AGMO: variants seen among roughly 807,000 people sequenced by gnomAD.
AGMO encodes the protein alkylglycerol monooxygenase.
Under a neutral mutation model 60.2 loss-of-function variants are expected in AGMO, and 75 were observed. The observed-to-expected ratio is 1.25, with a 90% CI of 1.03 to 1.51. The LOEUF (loss-of-function observed/expected upper bound fraction) is 1.51. Among genes scored for constraint, AGMO ranks in the 40% most tolerant of loss-of-function variants. The pLI, the probability that AGMO is intolerant of heterozygous loss-of-function variation, is 0.00. For synonymous variants in AGMO, 261 were observed against 177.1 expected (o/e 1.47, Z -3.76); for missense variants, 763 against 525.5 (o/e 1.45, Z -4.42).
chr7:15,431,288 T>C (rs1394608145), intron 3 of AGMO, among the ~76,000 whole-genome samples, 180 bp from the exon 4 acceptor site: 4 of 151,880 alleles, frequency 2.6e-5, no homozygotes, highest in Non-Finnish European at 4.4e-5. Flanking sequence ...CCAAAGACTG[T>C]ATACATTGTA....
chr7:15,257,329 T>G (rs890780419), intron 12 of AGMO, among the ~76,000 whole-genome samples: 3 of 152,166 alleles, frequency 2.0e-5, no homozygotes, highest in African/African-American at 7.2e-5. Flanking sequence ...ATACCTACTA[T>G]GGACATATTA....
intron 12 of AGMO, among the ~76,000 whole-genome samples, chr7:15,363,645 T>TA (rs942669651): frequency 2.0e-5 from 3 of 152,184 alleles, no homozygotes; most frequent in Non-Finnish European, 4.4e-5. Context: ...ATCTTATCAC[T>TA]AGCGTTCATC....
intron 12 of AGMO, among the ~76,000 whole-genome samples, chr7:15,290,802 T>C (rs1197368639): frequency 6.6e-6 from 1 of 152,208 alleles, no homozygotes; most frequent in African/African-American, 2.4e-5. Flanking sequence ...TAAAACAATC[T>C]GAATGATAGT....
chr7:15,183,717 C>T, the AGMO span, among the ~76,000 whole-genome samples: 13 of 152,306 alleles, frequency 8.5e-5, no homozygotes, highest in African/African-American at 2.6e-4. Context: ...TGAGTTAAGA[C>T]ACATGATGAA....
At chr7:15,222,592 T>G (rs2128497312) in intron 12 of AGMO, among the ~76,000 whole-genome samples, 1 of 152,224 alleles carries the variant, frequency 6.6e-6, no homozygotes, top group East Asian at 1.9e-4. Context: ...AAGAAACTGT[T>G]ATGTCTATTA....
intron 12 of AGMO, among the ~76,000 whole-genome samples, chr7:15,328,084 G>A (rs1191766397): frequency 6.6e-6 from 1 of 151,274 alleles, no homozygotes; most frequent in Non-Finnish European, 1.5e-5. Flanking sequence ...TCAATACACT[G>A]AGTCCTTCCT....
chr7:15,163,496 C>T, the AGMO span, among the ~76,000 whole-genome samples: 6,565 of 152,072 alleles, frequency 0.043, 187 homozygotes, highest in African/African-American at 0.058. Context: ...GTGTATTCTT[C>T]TATACCTAGT....
intron 12 of AGMO, among the ~76,000 whole-genome samples, chr7:15,351,034 G>A (rs1333520070): frequency 3.9e-5 from 6 of 152,110 alleles, no homozygotes; most frequent in African/African-American, 1.4e-4. Flanking sequence ...TGAGATAGTA[G>A]GCATTCTAAG....
intron 12 of AGMO, among the ~76,000 whole-genome samples, chr7:15,213,255 A>G (rs1458253131): frequency 6.6e-6 from 1 of 151,916 alleles, no homozygotes; most frequent in African/African-American, 2.4e-5. Flanking sequence ...TTGATATCCT[A>G]GAAAAAACAT....
At chr7:15,126,665 A>G in the AGMO span, among the ~76,000 whole-genome samples, 2 of 151,988 alleles carry the variant, frequency 1.3e-5, no homozygotes. Context: ...TTTCAATCTG[A>G]CTCTGGCATA....
chr7:15,561,282 A>T (rs187674454), intron 1 of AGMO, among the ~76,000 whole-genome samples: 5 of 152,328 alleles, frequency 3.3e-5, no homozygotes, highest in African/African-American at 9.6e-5. Context: ...GGACCTGGTC[A>T]AGCTGCATAT....
intron 4 of AGMO, among the ~76,000 whole-genome samples, chr7:15,420,633 C>G (rs1780898519): frequency 6.6e-6 from 1 of 152,122 alleles, no homozygotes; most frequent in Non-Finnish European, 1.5e-5. Context: ...TCTCACTTTT[C>G]TTCTCTACCT....
chr7:15,176,539 G>A, the AGMO span, among the ~76,000 whole-genome samples: 3 of 151,906 alleles, frequency 2.0e-5, no homozygotes, highest in East Asian at 3.9e-4. Flanking sequence ...CTGCTTTATT[G>A]AGGTTATTTG....
intron 3 of AGMO, among the ~76,000 whole-genome samples, chr7:15,484,498 A>C (rs996762050): frequency 6.6e-6 from 1 of 152,234 alleles, no homozygotes; most frequent in African/African-American, 2.4e-5. Flanking sequence ...TGGTGTGTTC[A>C]CATTGTAAAA....
At chr7:15,531,633 C>CTATATATATTCTATATATATATTT (rs1784366543) in intron 3 of AGMO, among the ~76,000 whole-genome samples, 1 of 117,650 alleles carries the variant, frequency 8.5e-6, no homozygotes, top group African/African-American at 3.2e-5. Context: ...TATATATATT[C>CTATATATATTCTATATATATATTT]TATATATATA....
chr7:15,167,871 C>A, the AGMO span, among the ~76,000 whole-genome samples: 1 of 152,078 alleles, frequency 6.6e-6, no homozygotes, highest in South Asian at 2.1e-4. Context: ...ACTTCTAAAC[C>A]TTAATAAATA....
chr7:15,354,463 TGTGTGTATACACAC>T lies in AGMO; in HGVS notation c.1263+11037_1263+11050del, dbSNP rs1479560933. Reference sequence around the variant, plus strand: ...ATACACACGTGTGTGTATACACACGTGTGTGTATACACACGTGTGTATATACACACGTGTATATA... The same window carrying T: ...ATACACACGTGTGTGTATACACACGTGTGTGTATATACACACGTGTATATA... On this transcript the variant is annotated intron_variant, in intron 12 of 12. Transcript: ENST00000342526. Among the ~76,000 whole-genome samples the T allele has an allele frequency of 1.3e-3, 27 of 20,292 alleles. 3 individuals carry two copies. The highest frequency in any genetic ancestry group is 4.5e-3 in the African/African-American group (14 of 3,080). The allele number at this position is 20,292 out of a possible 152,430, so 13.3% of individuals were successfully genotyped here.
chr7:15,283,853 T>TA lies in AGMO; in HGVS notation c.1263+81660dup, dbSNP rs202173973. On this transcript the variant is annotated intron_variant, in intron 12 of 12. Transcript: ENST00000342526. Reference sequence around the variant, plus strand: ...CCACAAAACAAGTCTTAATGAAGTTTAAAAAAAAATGAAATCATATCAAGT... The same window carrying TA: ...CCACAAAACAAGTCTTAATGAAGTTTAAAAAAAAAATGAAATCATATCAAGT... 5.3e-3 allele frequency among the ~76,000 whole-genome samples: 804 copies of TA among 150,950 alleles called. 5 individuals are homozygous for TA. Among genetic ancestry groups the TA allele is most frequent in the African/African-American group, 0.019 (764 of 41,250 alleles).
chr7:15,456,792 T>G (rs940452885), intron 3 of AGMO, among the ~76,000 whole-genome samples: 1 of 152,174 alleles, frequency 6.6e-6, no homozygotes, highest in Admixed American at 6.6e-5. Flanking sequence ...TGTGCGCTAC[T>G]ATTTTGGGTT....
Sources: gnomAD v4.1 joint callset for allele counts (sites outside exome capture counted in the v4.1 genomes callset) on GRCh38, gnomAD v4.1.1 for gene constraint, MANE v1.5 for transcripts, NCBI Gene and HGNC (gene_info 2026-07-23, HGNC 2026-07-21) for gene names.